ITPRID1: variants seen among roughly 807,000 people sequenced by gnomAD.
ITPRID1 encodes the protein protein ITPRID1.
ITPRID1 carries 96 observed loss-of-function variants against 95.4 expected under a neutral mutation model. The ratio of observed to expected loss-of-function variants is 1.01; its 90% CI spans 0.85 to 1.19. The LOEUF is 1.19. Among genes scored for constraint, ITPRID1 ranks in the 50% most tolerant of loss-of-function variants. The pLI is 0.00. For missense variants in ITPRID1, 1,339 were observed against 1,252.9 expected, an observed-to-expected ratio of 1.07 and a Z score of -1.04; for synonymous variants, 510 against 453.6, an observed-to-expected ratio of 1.12 and a Z score of -1.58.
chr7:31,634,926 C>A (rs184482023), intron 10 of ITPRID1, among the ~76,000 whole-genome samples: 20 of 152,282 alleles, frequency 1.3e-4, no homozygotes, highest in African/African-American at 4.8e-4. Flanking sequence ...TGAGACGTCT[C>A]AAGTTCCCCT....
At chr7:31,558,111 G>T (rs1034732264) in intron 5 of ITPRID1, among the ~76,000 whole-genome samples, 2 of 149,404 alleles carry the variant, frequency 1.3e-5, no homozygotes, top group Non-Finnish European at 3.0e-5. Flanking sequence ...AAAAGGATGG[G>T]TTTGGTCCCC....
chr7:31,524,714 GT>G, intron 1 of ITPRID1, among the ~76,000 whole-genome samples: 1 of 152,218 alleles, frequency 6.6e-6, no homozygotes, highest in East Asian at 1.9e-4. Context: ...TTTTTTATAT[GT>G]TTTGAATTGG....
At chr7:31,638,122 T>C (rs1789662813) in intron 10 of ITPRID1, among the ~76,000 whole-genome samples, 1 of 152,172 alleles carries the variant, frequency 6.6e-6, no homozygotes, top group South Asian at 2.1e-4. Flanking sequence ...AAGTTCTGCA[T>C]TGAGCTTTTG....
intron 10 of ITPRID1, among the ~76,000 whole-genome samples, chr7:31,586,588 CA>C (rs1228871085): frequency 6.6e-6 from 1 of 151,694 alleles, no homozygotes; most frequent in Non-Finnish European, 1.5e-5. Context: ...CTCTGATGGC[CA>C]GTGATGATGA....
chr7:31,642,468 A>C (rs1790110358), intron 11 of ITPRID1, among the ~76,000 whole-genome samples: 1 of 152,230 alleles, frequency 6.6e-6, no homozygotes, highest in Non-Finnish European at 1.5e-5. Context: ...GGTGCCGGAA[A>C]GTGTGGCCTT....
At chr7:31,652,143 A>G (rs1377790666) in intron 14 of ITPRID1, 93 bp downstream of exon 14, 6 of 990,488 alleles carry the variant, frequency 6.1e-6, no homozygotes, top group Non-Finnish European at 9.2e-6. Flanking sequence ...TCATTTCAGA[A>G]TCTAGGTTTA....
intron 1 of ITPRID1, among the ~76,000 whole-genome samples, chr7:31,519,620 C>CTCCATATATATATATATATATA: frequency 1.2e-4 from 3 of 25,254 alleles, no homozygotes; most frequent in Non-Finnish European, 2.2e-4. Context: ...CTCTCTCTCT[C>CTCCATATATATATATATATATA]TATATATATA....
At chr7:31,555,084 C>T in intron 5 of ITPRID1, 183 bp downstream of exon 5, 1 of 563,958 alleles carries the variant, frequency 1.8e-6, no homozygotes, top group South Asian at 2.3e-5. Context: ...ATAGGTGCTT[C>T]CCCAGCAGCA....
chr7:31,644,327 T>C (rs1350584274), intron 12 of ITPRID1, among the ~76,000 whole-genome samples: 1 of 152,210 alleles, frequency 6.6e-6, no homozygotes, highest in Non-Finnish European at 1.5e-5. Context: ...CTATATAATC[T>C]TGCACAAGCC....
intron 1 of ITPRID1, among the ~76,000 whole-genome samples, chr7:31,519,631 T>C (rs1348151270): frequency 1.7e-5 from 2 of 120,438 alleles, no homozygotes; most frequent in South Asian, 2.8e-4. Context: ...TATATATATA[T>C]ATATATATAT....
intron 12 of ITPRID1, among the ~76,000 whole-genome samples, chr7:31,648,955 C>G (rs1790722664): frequency 6.6e-6 from 1 of 152,206 alleles, no homozygotes; most frequent in Admixed American, 6.5e-5. Flanking sequence ...ATAACAGATG[C>G]CCTTCATGGT....
intron 1 of ITPRID1, among the ~76,000 whole-genome samples, chr7:31,518,983 T>C (rs879570629): frequency 6.6e-6 from 1 of 152,182 alleles, no homozygotes; most frequent in African/African-American, 2.4e-5. Flanking sequence ...TAATTCATTG[T>C]AACAGGCAAA....
Position 31,554,892 on chromosome 7 carries a change from G to T in ITPRID1, c.247G>T (p.Asp83Tyr). 2 of 1,582,432 alleles carry T rather than the reference G, an allele frequency of 1.3e-6. No homozygotes were observed. The highest frequency in any genetic ancestry group is 2.3e-5 in the South Asian group (2 of 86,672). ...AAATGAAAACTTTCAACAAGTCATT[G>T]ACCGCACTGGTAAGACAAGAGAAGC... The part of the protein sequence containing the change: ...SANENFQQVI[D>Y]RTVSLYEQGM... Residue 83 changes from aspartate to tyrosine, a missense_variant, in exon 5 of 15, where the codon GAC (aspartate) becomes TAC (tyrosine). Transcript: ENST00000615280.
chr7:31,549,363 G>T, intron 1 of ITPRID1, 63 bp from the exon 2 acceptor site: 2 of 1,220,418 alleles, frequency 1.6e-6, no homozygotes, highest in South Asian at 2.3e-5. Flanking sequence ...AACTAACAGG[G>T]TCAAGTTTAT....
chr7:31,554,269 G>T, intron 3 of ITPRID1: 5 of 797,120 alleles, frequency 6.3e-6, no homozygotes, highest in South Asian at 4.3e-5. Context: ...ACAGTCTTTT[G>T]ACAAGTTTAC....
intron 12 of ITPRID1, among the ~76,000 whole-genome samples, chr7:31,646,151 C>T (rs575839183): frequency 1.8e-4 from 27 of 152,228 alleles, no homozygotes; most frequent in African/African-American, 6.3e-4. Context: ...ATTTAGTTGT[C>T]TATTTTGTTA....
intron 10 of ITPRID1, among the ~76,000 whole-genome samples, chr7:31,596,398 CT>C (rs1786089487): frequency 1.2e-3 from 1 of 818 alleles, no homozygotes; most frequent in Non-Finnish European, 4.2e-3. Context: ...GAAATTCTGA[CT>C]AAAAATCTCA....
intron 1 of ITPRID1, among the ~76,000 whole-genome samples, chr7:31,539,706 T>C (rs2128132569): frequency 6.6e-6 from 1 of 152,274 alleles, no homozygotes; most frequent in East Asian, 1.9e-4. Context: ...CTGATTTTGG[T>C]CAGGTGCACT....
At chr7:31,549,948 C>A (rs1293418726) in intron 2 of ITPRID1, among the ~76,000 whole-genome samples, 3 of 152,086 alleles carry the variant, frequency 2.0e-5, no homozygotes, top group African/African-American at 4.8e-5. Flanking sequence ...AGTGTCAAAG[C>A]ACCAAGTTTT....
Sources: allele counts gnomAD v4.1 joint callset (sites outside exome capture counted in the v4.1 genomes callset), GRCh38; gene constraint gnomAD v4.1.1; transcripts MANE v1.5; gene names NCBI Gene and HGNC (gene_info 2026-07-23, HGNC 2026-07-21).